Variants in CCDC154 observed in about 807,000 individuals in gnomAD.
The protein encoded by CCDC154 is coiled-coil domain-containing protein 154.
In CCDC154, 91 loss-of-function variants were observed where a neutral mutation model predicts 87.5. The observed-to-expected ratio is 1.04, with a 90% CI of 0.88 to 1.24. The LOEUF is 1.24. Ranked by LOEUF, CCDC154 falls within the 50% of genes most tolerant of loss-of-function variation. The probability of loss-of-function intolerance (pLI) is 0.00; values close to 1 mark genes in which losing one functional copy is unlikely to be tolerated. For missense variants in CCDC154, 903 were observed against 879.2 expected, an observed-to-expected ratio of 1.03 and a Z score of -0.34; for synonymous variants, 418 against 400.4, an observed-to-expected ratio of 1.04 and a Z score of -0.52.
chr16:1,434,519 C>T lies in CCDC154; in HGVS notation c.1893G>A (p.Lys631=), dbSNP rs2038481043. 1 of 1,547,616 alleles carries T rather than the reference C, an allele frequency of 6.5e-7. No homozygotes were observed. Among genetic ancestry groups the T allele is most frequent in the Admixed American group, 2.0e-5 (1 of 50,938 alleles). The change falls in exon 17 of 17, where the codon AAG becomes AAA. Residue 631 remains lysine (K), a synonymous_variant. Coordinates refer to ENST00000389176, the MANE Select transcript of CCDC154 (RefSeq NM_001143980.3). ...GGGCCCTGAGCTTTATGAGGGACGC[C>T]TTCCAGCGCAGCCACCTGTCCAGAG... ...VYQAVRWLRW[K]ASLIKLRALR...
intron 12 of CCDC154, 46 bp downstream of exon 12, chr16:1,436,645 CA>C: frequency 6.5e-7 from 1 of 1,547,524 alleles, no homozygotes; most frequent in Non-Finnish European, 8.7e-7. Flanking sequence ...GGTCCCACGC[CA>C]CCTCCAAGGC....
In CCDC154 at chr16:1,434,744, G is replaced by A. The variant is rs993143622; in HGVS notation, c.1801C>T (p.Pro601Ser). The A allele has an allele frequency of 1.3e-6, 2 of 1,545,746 alleles. No individual in the cohort carries two copies. Among genetic ancestry groups the A allele is most frequent in the African/African-American group, 2.7e-5 (2 of 73,044 alleles). The change falls in exon 16 of 17, where the codon CCG (proline) becomes TCG (serine). Residue 601 changes from proline to serine, a missense_variant. Pro to Ser is a moderately conservative substitution (Grantham distance 74). Coordinates refer to ENST00000389176, the MANE Select transcript of CCDC154 (RefSeq NM_001143980.3). ...SWKALPSLVRPRVFIKDMAPG... is the reference protein window; with the variant it reads ...SWKALPSLVRSRVFIKDMAPG... ...GCCATGTCCTTGATGAAGACCCGCG[G>A]CCTCACCAGGGATGGGAGCGCCTTC...
At chr16:1,434,565 A>ACC in intron 16 of CCDC154, 31 bp from the exon 17 acceptor site, 4 of 1,462,500 alleles carry the variant, frequency 2.7e-6, no homozygotes, top group South Asian at 1.2e-5. Flanking sequence ...TGGCCCCTGC[A>ACC]CCCCCGCCCC....
intron 4 of CCDC154, 78 bp downstream of exon 4, chr16:1,443,183 C>T (rs974907511): frequency 1.2e-5 from 18 of 1,490,250 alleles, no homozygotes; most frequent in Non-Finnish European, 1.5e-5. Context: ...AGATGTGGAC[C>T]CCCCACCACA....
In CCDC154 at chr16:1,439,052, C is replaced by T; in HGVS notation, c.750G>A (p.Leu250=). 1.3e-6 allele frequency: 2 copies of T among 1,550,308 alleles called. No homozygotes were observed. The highest frequency in any genetic ancestry group is 1.7e-6 in the Non-Finnish European group (2 of 1,146,910). Residue 250 remains leucine (L), a synonymous_variant, in exon 7 of 17, where the codon CTG becomes CTA. Coordinates refer to ENST00000389176, the MANE Select transcript of CCDC154 (RefSeq NM_001143980.3). ...TCTCCAGGGCCAGGAAGCTCTTCTG[C>T]AGGAAGCCGCACAGCTTGGCCTCCC... ...LKREAKLCGF[L]QKSFLALEKR... is the part of the protein sequence containing the mutation.
Position 1,442,433 on chromosome 16 carries a change from C to T in CCDC154, c.648G>A (p.Arg216=), listed in dbSNP as rs1479489449. Residue 216 remains arginine (R), a synonymous_variant, in exon 6 of 17, where the codon AGG becomes AGA. Transcript: ENST00000389176. ...GCATTCTGGCCACCTCCAGGTCCAC[C>T]CTCCGGCTGCTGTCCTCTTGGTTCT... The part of the protein sequence containing the change: ...LQKNQEDSSR[R]VDLEVARMQA... 6.5e-7 allele frequency: 1 copy of T among 1,549,838 alleles called. No homozygotes were observed.
chr16:1,442,535 G>A lies in CCDC154; in HGVS notation c.552-6C>T. ...AGTCGGTCAGCTTGGCCAGTCTAGA[G>A]AAGTCGGCTGTGGTCACACCAGCCC... On this transcript the variant is annotated splice_region_variant and splice_polypyrimidine_tract_variant and intron_variant, in intron 5 of 16. Transcript: ENST00000389176. 2 of 1,534,342 alleles carry A rather than the reference G, an allele frequency of 1.3e-6. No homozygotes were observed. The highest frequency in any genetic ancestry group is 1.8e-6 in the Non-Finnish European group (2 of 1,139,040).
chr16:1,444,073 G>T (rs567924818), intron 1 of CCDC154, 61 bp from the exon 2 acceptor site: 13 of 1,236,332 alleles, frequency 1.1e-5, no homozygotes, highest in Non-Finnish European at 1.1e-5. Flanking sequence ...GAGCTTACGG[G>T]AACAAGGCCC....
chr16:1,438,007 G>A, intron 10 of CCDC154, 43 bp downstream of exon 10: 2 of 1,538,464 alleles, frequency 1.3e-6, no homozygotes, highest in African/African-American at 1.4e-5. Context: ...CATCCCGTGT[G>A]CGTGGGAGAC....
chr16:1,439,114 T>G lies in CCDC154; in HGVS notation c.688A>C (p.Lys230Gln), dbSNP rs2038528999. The G allele has an allele frequency of 6.5e-7, 1 of 1,550,086 alleles. No individual in the cohort carries two copies. The highest frequency in any genetic ancestry group is 8.7e-7 in the Non-Finnish European group (1 of 1,146,844). ...CGCAGGCTCACCTCTTCGCCGAGCT[T>G]GGTCACCTGGGCCTGGGGCGGAGGC... ...EVARMQAQVT[K>Q]LGEEVSLRFL... Residue 230 changes from lysine to glutamine, a missense_variant, in exon 7 of 17, where the codon AAG becomes CAG. Transcript: ENST00000389176.
In CCDC154 at chr16:1,438,920, T is replaced by C. The variant is rs2142353333; in HGVS notation, c.801A>G (p.Ser267=). The part of the protein sequence containing the change: ...LEKRMKASES[S]RLKLEGSLRG... Reference sequence around the variant, plus strand: ...GCAGGCTGCCCTCCAGCTTCAGCCGTGAGCTCTCCGAGGCCTTCATTCTCT... The same window carrying C: ...GCAGGCTGCCCTCCAGCTTCAGCCGCGAGCTCTCCGAGGCCTTCATTCTCT... The change falls in exon 8 of 17, where the codon TCA becomes TCG. Residue 267 remains serine (S), a synonymous_variant. Coordinates refer to ENST00000389176, the MANE Select transcript of CCDC154 (RefSeq NM_001143980.3). The C allele has an allele frequency of 6.5e-7, 1 of 1,549,606 alleles. No individual in the cohort carries two copies. Among genetic ancestry groups the C allele is most frequent in the Non-Finnish European group, 8.7e-7 (1 of 1,146,600 alleles).
At position 1,434,624 on chromosome 16, in the gene CCDC154, G is replaced by A. The variant is rs571303978; in HGVS notation, c.1877+44C>T. ...CTGTGGGCCCCCAGCCCTGAACCCC[G>A]GCCCAAAGGCCCAGGAGGCCGCGCC... On this transcript the variant is annotated intron_variant, in intron 16 of 16. Coordinates refer to ENST00000389176, the MANE Select transcript of CCDC154 (RefSeq NM_001143980.3). 57 of 1,233,318 alleles carry A rather than the reference G, an allele frequency of 4.6e-5. No individual in the cohort carries two copies. The South Asian group carries it at 5.8e-4, about 13-fold the overall frequency. The allele number at this position is 1,233,318 out of a possible 1,614,324, so 76.4% of individuals were successfully genotyped here.
At chr16:1,435,942 G>C (rs1381587442) in intron 14 of CCDC154, 27 bp downstream of exon 14, 2 of 1,532,824 alleles carry the variant, frequency 1.3e-6, no homozygotes, top group African/African-American at 1.4e-5. Context: ...CTCTCTCCCA[G>C]CTGGGTGCGG....
In CCDC154 at chr16:1,438,116, C is replaced by T. The variant is rs1183832239; in HGVS notation, c.1086G>A (p.Glu362=). 4 of 1,548,848 alleles carry T rather than the reference C, an allele frequency of 2.6e-6. No homozygotes were observed. In the African/African-American group the frequency reaches 4.1e-5, roughly 16 times the overall value. ...CAGCCAGCTGTGCGGCCTCCAGGTT[C>T]TCCTGCACATAGGCGGCCAGCTCCC... The part of the protein sequence containing the change: ...RAGELAAYVQ[E]NLEAAQLAGE... The change falls in exon 10 of 17, where the codon GAG becomes GAA. Residue 362 remains glutamate, a synonymous_variant. Coordinates refer to ENST00000389176, the MANE Select transcript of CCDC154 (RefSeq NM_001143980.3).
At chr16:1,437,654 C>T in intron 11 of CCDC154, 163 bp downstream of exon 11, 1 of 859,968 alleles carries the variant, frequency 1.2e-6, no homozygotes. Flanking sequence ...ACAGGAGTCT[C>T]TGGGGCTCGG....
intron 11 of CCDC154, chr16:1,437,280 G>A (rs752935431): frequency 7.9e-5 from 15 of 189,914 alleles, no homozygotes; most frequent in East Asian, 1.5e-4. Context: ...CGCACCGTGC[G>A]TGGCTCTGTT....
chr16:1,440,499 A>G (rs548348871), intron 6 of CCDC154, among the ~76,000 whole-genome samples: 88 of 120,352 alleles, frequency 7.3e-4, no homozygotes, highest in Non-Finnish European at 1.4e-3. Flanking sequence ...AACAGAAAAG[A>G]GAAGAGAAGA....
chr16:1,443,673 C>T lies in CCDC154; in HGVS notation c.247G>A (p.Val83Met). The T allele has an allele frequency of 7.7e-7, 1 of 1,295,768 alleles. No individual in the cohort carries two copies. 80.3% of individuals were successfully genotyped at this position (1,295,768 alleles called of 1,614,324 possible). ...TGCTTGTGCTCCCGCAGGCAGGCCA[C>T]CTCGGCCTGCAGCTCCACCACCCTG... is the stretch of plus-strand genomic sequence containing the variant. ...EQWVVELQAE[V>M]ACLREHKQRC... Residue 83 changes from valine (V) to methionine (M), a missense_variant, in exon 3 of 17, where the codon GTG (valine) becomes ATG (methionine). By Grantham distance (21) the Val-to-Met change is conservative. Transcript: ENST00000389176.
chr16:1,435,005 C>A, intron 15 of CCDC154, 84 bp downstream of exon 15: 3 of 1,453,524 alleles, frequency 2.1e-6, no homozygotes, highest in Non-Finnish European at 1.9e-6. Flanking sequence ...GACACTGGCG[C>A]CTGCAGCAGG....
Sources: allele counts gnomAD v4.1 joint callset (sites outside exome capture counted in the v4.1 genomes callset), GRCh38; gene constraint gnomAD v4.1.1; transcripts MANE v1.5; gene names NCBI Gene and HGNC (gene_info 2026-07-23, HGNC 2026-07-21).